Variants in PTPRQ observed in about 807,000 individuals in gnomAD.
PTPRQ encodes protein tyrosine phosphatase receptor type Q.
A neutral mutation model predicts 246.0 loss-of-function variants in PTPRQ; 199 were observed. That is an observed-to-expected ratio of 0.81 (90% CI 0.72 to 0.91). The LOEUF (loss-of-function observed/expected upper bound fraction) is 0.91. PTPRQ is among the 40% of genes least tolerant of loss of function. The pLI is 0.00. For synonymous variants in PTPRQ, 869 were observed against 853.2 expected (o/e 1.02, Z -0.32); for missense variants, 2,624 against 2,528.4 (o/e 1.04, Z -0.81).
At chr12:80,610,771 G>C (rs1898520567) in intron 28 of PTPRQ, 146 bp downstream of exon 28, 1 of 926,898 alleles carries the variant, frequency 1.1e-6, no homozygotes, top group South Asian at 2.3e-5. Flanking sequence ...CTCTGCAACT[G>C]ACAAAAAGGA....
At chr12:80,457,095 CTTAGT>C (rs1228354367) in intron 3 of PTPRQ, among the ~76,000 whole-genome samples, 2 of 151,838 alleles carry the variant, frequency 1.3e-5, no homozygotes, top group Non-Finnish European at 2.9e-5. Context: ...TTCTGGAATT[CTTAGT>C]TTAAATTATT....
At chr12:80,507,693 T>C (rs1281483559) in intron 16 of PTPRQ, among the ~76,000 whole-genome samples, 1 of 151,994 alleles carries the variant, frequency 6.6e-6, no homozygotes, top group Non-Finnish European at 1.5e-5. Flanking sequence ...CCTCTGTGGG[T>C]CAGTTTTCCC....
Position 80,601,127 on chromosome 12 carries a change from A to G in PTPRQ, c.4610-3932A>G, listed in dbSNP as rs928413701. ...TATTTAAAATAGTAACGCCCTAAGCATCTTCATGCCCATGACCTTGTCTCA... is the reference window on the plus strand; with the variant it reads ...TATTTAAAATAGTAACGCCCTAAGCGTCTTCATGCCCATGACCTTGTCTCA... On this transcript the variant is annotated intron_variant, in intron 26 of 44. Transcript: ENST00000644991. 2.6e-5 allele frequency among the ~76,000 whole-genome samples: 4 copies of G among 151,864 alleles called. No individual in the cohort carries two copies. In the South Asian group the frequency reaches 6.2e-4, roughly 24 times the overall value.
intron 39 of PTPRQ, among the ~76,000 whole-genome samples, chr12:80,661,974 A>T (rs1900647881): frequency 6.6e-6 from 1 of 151,958 alleles, no homozygotes; most frequent in Admixed American, 6.6e-5. Context: ...TACAGGGTAC[A>T]CTATTAGAAA....
At chr12:80,669,823 A>G (rs1900911665) in intron 41 of PTPRQ, among the ~76,000 whole-genome samples, 1 of 152,038 alleles carries the variant, frequency 6.6e-6, no homozygotes. Flanking sequence ...CATCTCCTGA[A>G]TCCTAATAAT....
At chr12:80,646,858 C>CA (rs1273190618) in intron 35 of PTPRQ, among the ~76,000 whole-genome samples, 48 of 151,672 alleles carry the variant, frequency 3.2e-4, no homozygotes, top group African/African-American at 6.0e-4. Context: ...GAACTTAAAA[C>CA]AAAAAAATGT....
rs778061943 is a variant in PTPRQ at position 80,484,491 on chromosome 12, T to TA, written c.1246dup (p.Thr416AsnfsTer13). On this transcript the variant is annotated frameshift_variant, in exon 9 of 45. Transcript: ENST00000644991. LOFTEE classifies it high-confidence loss of function. ...AGGTAGAATCCACGCAAGTAAGAAT[T>TA]ACTTGGAAGAAACCACGACAACCAA... is the stretch of plus-strand genomic sequence containing the variant. 27 of 1,551,210 alleles carry TA rather than the reference T, an allele frequency of 1.7e-5. No homozygotes were observed. The highest frequency in any genetic ancestry group is 2.3e-5 in the Non-Finnish European group (26 of 1,146,858).
At chr12:80,447,563 T>C (rs1892591291) in intron 3 of PTPRQ, among the ~76,000 whole-genome samples, 1 of 151,992 alleles carries the variant, frequency 6.6e-6, no homozygotes, top group Admixed American at 6.6e-5. Flanking sequence ...ATCCAGAATG[T>C]GCTAATTTTT....
At chr12:80,459,828 ATACTT>A (rs1893096488) in intron 5 of PTPRQ, among the ~76,000 whole-genome samples, 1 of 152,182 alleles carries the variant, frequency 6.6e-6, no homozygotes. Context: ...CCGGTGGAGG[ATACTT>A]TATAAAGCCC....
chr12:80,591,520 T>A (rs1897801977), intron 26 of PTPRQ, among the ~76,000 whole-genome samples: 1 of 152,090 alleles, frequency 6.6e-6, no homozygotes, highest in Non-Finnish European at 1.5e-5. Context: ...TAAGTTCTAG[T>A]GGGTAGGACA....
rs530723236 is a variant in PTPRQ, at chr12:80,493,127, G to T, written c.1360-148G>T. The T allele has an allele frequency of 4.8e-6, 4 of 836,434 alleles. No individual in the cohort carries two copies. The South Asian group carries it at 1.7e-4, about 35-fold the overall frequency. 51.8% of individuals were successfully genotyped at this position (836,434 alleles called of 1,614,324 possible). ...ATTAGTAGCCGGAGAATGAAATTTTGGAATCTAAAGAAGACAGTGGTCATG... is the reference window on the plus strand; with the variant it reads ...ATTAGTAGCCGGAGAATGAAATTTTTGAATCTAAAGAAGACAGTGGTCATG... On this transcript the variant is annotated intron_variant, in intron 9 of 44. Transcript: ENST00000644991.
At chr12:80,520,760 T>C (rs1895455484) in intron 17 of PTPRQ, among the ~76,000 whole-genome samples, 2 of 152,024 alleles carry the variant, frequency 1.3e-5, no homozygotes, top group Admixed American at 6.5e-5. Flanking sequence ...CAGTCTATCA[T>C]TGTTGGACAT....
chr12:80,544,555 C>T lies in PTPRQ; in HGVS notation c.3873+1674C>T, dbSNP rs73349736. On this transcript the variant is annotated intron_variant, in intron 23 of 44. Coordinates refer to ENST00000644991, the MANE Select transcript of PTPRQ (RefSeq NM_001145026.2). The stretch of plus-strand genomic sequence containing the variant: ...TAGTTTTGTGTTTTAAAATCTACTG[C>T]GTCATGTTACTCCTTTTTACATCTA... Among the ~76,000 whole-genome samples, 392 of 152,194 alleles carry T rather than the reference C, an allele frequency of 2.6e-3. 2 individuals carry two copies. Among genetic ancestry groups the T allele is most frequent in the African/African-American group, 8.4e-3 (349 of 41,540 alleles).
At chr12:80,519,359 A>G (rs1895401259) in intron 17 of PTPRQ, among the ~76,000 whole-genome samples, 1 of 152,190 alleles carries the variant, frequency 6.6e-6, no homozygotes, top group Non-Finnish European at 1.5e-5. Flanking sequence ...CTTAGGGAAC[A>G]AAATGTCTCA....
At position 80,444,721 on chromosome 12, in the gene PTPRQ, A is replaced by G. The variant is rs559926582; in HGVS notation, c.55-20A>G. ...TTCCAGAAAGAATTTTAATGCAACT[A>G]TTTGTTTGTGGTGTTCTAGGTTGAT... On this transcript the variant is annotated intron_variant, in intron 1 of 44. Transcript: ENST00000644991. The G allele has an allele frequency of 5.8e-5, 88 of 1,507,232 alleles. 1 individual carries two copies. The South Asian group carries it at 1.0e-3, about 17-fold the overall frequency. The allele number at this position is 1,507,232 out of a possible 1,614,324, so 93.4% of individuals were successfully genotyped here. A position where few individuals can be genotyped will look rare whatever the true frequency, so the allele number is the denominator to read the frequency against.
intron 23 of PTPRQ, 63 bp downstream of exon 23, chr12:80,542,944 G>A: frequency 8.7e-7 from 1 of 1,148,898 alleles, no homozygotes; most frequent in Non-Finnish European, 1.2e-6. Context: ...AAAATCTTTT[G>A]ACATATAGGA....
chr12:80,455,335 CAA>C (rs202206927), intron 3 of PTPRQ, among the ~76,000 whole-genome samples: 1 of 152,182 alleles, frequency 6.6e-6, no homozygotes, highest in East Asian at 1.9e-4. Context: ...AAAAATAAAT[CAA>C]GTTTAAATTA....
intron 34 of PTPRQ, among the ~76,000 whole-genome samples, chr12:80,634,379 T>C (rs1373811724): frequency 1.3e-5 from 2 of 152,220 alleles, no homozygotes; most frequent in Non-Finnish European, 2.9e-5. Flanking sequence ...ATTCTCAGAT[T>C]CATGTGGCTT....
At chr12:80,590,978 C>T (rs540895089) in intron 26 of PTPRQ, among the ~76,000 whole-genome samples, 4 of 152,146 alleles carry the variant, frequency 2.6e-5, no homozygotes, top group African/African-American at 9.6e-5. Flanking sequence ...TAAATGATCC[C>T]TGATCAGAAT....
Sources: gnomAD v4.1 joint callset for allele counts (sites outside exome capture counted in the v4.1 genomes callset) on GRCh38, gnomAD v4.1.1 for gene constraint, MANE v1.5 for transcripts, NCBI Gene and HGNC (gene_info 2026-07-23, HGNC 2026-07-21) for gene names.